The following SLC4A4 variants were observed in gnomAD, a reference collection of about 807,000 sequenced individuals.
SLC4A4 encodes electrogenic sodium bicarbonate cotransporter 1.
SLC4A4 carries 27 observed loss-of-function variants against 111.5 expected under a neutral mutation model. The ratio of observed to expected loss-of-function variants is 0.24; its 90% CI spans 0.18 to 0.33. The LOEUF (loss-of-function observed/expected upper bound fraction) is 0.33. SLC4A4 is among the 10% of genes least tolerant of loss of function. SLC4A4 has a pLI of 1.00. For synonymous variants in SLC4A4, 443 were observed against 463.4 expected (o/e 0.96, Z 0.57); for missense variants, 909 against 1,315.5 (o/e 0.69, Z 4.78).
intron 14 of SLC4A4, among the ~76,000 whole-genome samples, chr4:71,475,587 T>C (rs975364537): frequency 6.6e-6 from 1 of 151,884 alleles, no homozygotes; most frequent in Non-Finnish European, 1.5e-5. Context: ...CTGCTACCTC[T>C]AGTTGGTACC....
intron 2 of SLC4A4, among the ~76,000 whole-genome samples, chr4:71,247,759 TTA>T (rs1255154180): frequency 1.3e-5 from 2 of 152,168 alleles, no homozygotes; most frequent in African/African-American, 4.8e-5. Context: ...GTACTGCATA[TTA>T]CAATGCAGTA....
At chr4:71,242,341 A>G (rs1473761674) in intron 2 of SLC4A4, among the ~76,000 whole-genome samples, 1 of 152,122 alleles carries the variant, frequency 6.6e-6, no homozygotes, top group Non-Finnish European at 1.5e-5. Context: ...ATGTTGTTTG[A>G]TATTTATTTT....
intron 3 of SLC4A4, among the ~76,000 whole-genome samples, chr4:71,291,124 G>A (rs1724315201): frequency 6.6e-6 from 1 of 152,162 alleles, no homozygotes. Flanking sequence ...TGAATAAATG[G>A]AGGTGATAAG....
chr4:71,292,250 A>G (rs1724416077), intron 3 of SLC4A4, among the ~76,000 whole-genome samples: 1 of 152,228 alleles, frequency 6.6e-6, no homozygotes, highest in Non-Finnish European at 1.5e-5. Context: ...ATTTATAATC[A>G]CATCACAACA....
At chr4:71,281,605 G>T (rs1249866904) in intron 3 of SLC4A4, among the ~76,000 whole-genome samples, 1 of 152,060 alleles carries the variant, frequency 6.6e-6, no homozygotes, top group Non-Finnish European at 1.5e-5. Flanking sequence ...ATTTTCTCTT[G>T]CTAATTAGAA....
chr4:71,072,599 G>T (rs1741699255), intron 1 of SLC4A4, among the ~76,000 whole-genome samples: 1 of 150,860 alleles, frequency 6.6e-6, no homozygotes, highest in Non-Finnish European at 1.5e-5. Context: ...GATACAGCTT[G>T]CTATTTTTCT....
At chr4:71,445,921 A>G (rs896131795) in intron 8 of SLC4A4, among the ~76,000 whole-genome samples, 23 of 152,212 alleles carry the variant, frequency 1.5e-4, no homozygotes, top group African/African-American at 5.5e-4. Flanking sequence ...ATTGAACTTC[A>G]GTGTTAAAAG....
chr4:71,569,305 G>C lies in SLC4A4; in HGVS notation c.*1554G>C, dbSNP rs960954818. The C allele has an allele frequency of 6.6e-6, 1 of 151,682 alleles. No homozygotes were observed. The allele number at this position is 151,682 out of a possible 1,614,324, so 9.4% of individuals were successfully genotyped here. On this transcript the variant is annotated 3_prime_UTR_variant, in exon 26 of 26. Coordinates refer to ENST00000264485, the MANE Select transcript of SLC4A4 (RefSeq NM_001098484.3). Reference sequence around the variant, plus strand: ...TATAAAATTCATAGGAGTATTAATAGCCCATTTACACATCTATAAAATGTA... The same window carrying C: ...TATAAAATTCATAGGAGTATTAATACCCCATTTACACATCTATAAAATGTA...
Position 71,287,102 on chromosome 4 carries a change from G to A in SLC4A4, c.253+31703G>A, listed in dbSNP as rs1192351732. On this transcript the variant is annotated intron_variant, in intron 3 of 25. Coordinates refer to ENST00000264485, the MANE Select transcript of SLC4A4 (RefSeq NM_001098484.3). ...CCTGATTATAGTCTTCTAATTAGAT[G>A]TCTGTGTCCTAAGAAGGATGAGTGG... 2.6e-5 allele frequency among the ~76,000 whole-genome samples: 4 copies of A among 152,232 alleles called. No individual in the cohort carries two copies. In the East Asian group the frequency reaches 5.8e-4, roughly 22 times the overall value.
At chr4:71,441,976 A>G (rs1326803514) in intron 8 of SLC4A4, among the ~76,000 whole-genome samples, 1 of 152,190 alleles carries the variant, frequency 6.6e-6, no homozygotes, top group African/African-American at 2.4e-5. Context: ...CTATCTGTGC[A>G]GTCACCTGGC....
intron 2 of SLC4A4, among the ~76,000 whole-genome samples, chr4:71,170,253 T>C (rs1456028312): frequency 6.6e-6 from 1 of 152,244 alleles, no homozygotes; most frequent in Non-Finnish European, 1.5e-5. Flanking sequence ...GAAGTTAAGC[T>C]TCCTGAAGAC....
At chr4:71,421,824 C>A (rs1229299294) in intron 7 of SLC4A4, among the ~76,000 whole-genome samples, 1 of 152,046 alleles carries the variant, frequency 6.6e-6, no homozygotes, top group African/African-American at 2.4e-5. Flanking sequence ...ATCTCTGGGA[C>A]ACATTCAAAG....
chr4:71,324,841 C>A (rs1727389666), intron 3 of SLC4A4, among the ~76,000 whole-genome samples: 1 of 151,828 alleles, frequency 6.6e-6, no homozygotes. Flanking sequence ...TTTTTATCAC[C>A]ACTTGCTGGC....
chr4:71,108,858 G>A (rs1681810546), intron 2 of SLC4A4, among the ~76,000 whole-genome samples: 1 of 151,490 alleles, frequency 6.6e-6, no homozygotes, highest in African/African-American at 2.4e-5. Context: ...TCTCTTTATT[G>A]GTATTTCAAT....
At chr4:71,473,015 G>A (rs1728026547) in intron 14 of SLC4A4, 45 bp downstream of exon 14, 2 of 1,607,198 alleles carry the variant, frequency 1.2e-6, no homozygotes, top group African/African-American at 1.3e-5. Context: ...TGTATTTGGA[G>A]GAAGGTGTAG....
At chr4:71,236,240 T>TC in intron 1 of SLC4A4, 1 of 1,084,884 alleles carries the variant, frequency 9.2e-7, no homozygotes, top group Non-Finnish European at 1.1e-6. Flanking sequence ...TGGTATTTTT[T>TC]TTTTTTTTTT....
chr4:71,139,972 C>T (rs576531714), intron 2 of SLC4A4, among the ~76,000 whole-genome samples: 1 of 151,838 alleles, frequency 6.6e-6, no homozygotes, highest in South Asian at 2.1e-4. Flanking sequence ...ATATTTGTAC[C>T]CATTATACTA....
upstream of SLC4A4, among the ~76,000 whole-genome samples, chr4:71,183,650 T>G (rs1745371068): frequency 1.3e-5 from 2 of 152,224 alleles, no homozygotes; most frequent in Non-Finnish European, 2.9e-5. Context: ...TTTTTCTCAT[T>G]TCTTACTCTT....
At chr4:71,188,029 T>C (rs1745567885) in intron 1 of SLC4A4, among the ~76,000 whole-genome samples, 1 of 152,200 alleles carries the variant, frequency 6.6e-6, no homozygotes, top group South Asian at 2.1e-4. Context: ...GAATTTCTCT[T>C]GGCCAGCGAC....
Sources: allele counts gnomAD v4.1 joint callset (sites outside exome capture counted in the v4.1 genomes callset), GRCh38; gene constraint gnomAD v4.1.1; transcripts MANE v1.5; gene names NCBI Gene and HGNC (gene_info 2026-07-23, HGNC 2026-07-21).